The following FASTKD1 variants were observed in gnomAD, a reference collection of about 807,000 sequenced individuals.
FASTKD1 encodes FAST kinase domains 1, also known as FAST kinase domain-containing protein 1, mitochondrial.
A neutral mutation model predicts 90.9 loss-of-function variants in FASTKD1; 94 were observed. The ratio of observed to expected loss-of-function variants is 1.03; its 90% confidence interval spans 0.88 to 1.23. The LOEUF (loss-of-function observed/expected upper bound fraction) is 1.23, where lower values mean the gene tolerates loss of function less well. Among genes scored for constraint, FASTKD1 ranks in the 50% most tolerant of loss-of-function variants. FASTKD1 has a pLI of 0.00. For synonymous variants in FASTKD1, 319 were observed against 345.8 expected, an observed-to-expected ratio of 0.92 and a Z score of 0.86; for missense variants, 945 against 993.5, an observed-to-expected ratio of 0.95 and a Z score of 0.66.
chr2:169,547,330 G>GT (rs1203390202), intron 7 of FASTKD1, among the ~76,000 whole-genome samples: 1 of 152,150 alleles, frequency 6.6e-6, no homozygotes, highest in Non-Finnish European at 1.5e-5. Context: ...GTCTTCTTGG[G>GT]TTTTTATGAG....
chr2:169,563,089 G>T, intron 4 of FASTKD1, 136 bp downstream of exon 4: 1 of 730,266 alleles, frequency 1.4e-6, no homozygotes, highest in Non-Finnish European at 2.2e-6. Flanking sequence ...TCCCTCTTTT[G>T]CAGATGAGGA....
chr2:169,540,267 A>G, intron 9 of FASTKD1, 88 bp from the exon 10 acceptor site: 1 of 1,283,390 alleles, frequency 7.8e-7, no homozygotes, highest in Non-Finnish European at 1.0e-6. Context: ...CAGGTTTTTA[A>G]AAAAAAGATA....
intron 9 of FASTKD1, among the ~76,000 whole-genome samples, chr2:169,542,042 T>C (rs1684979045): frequency 6.6e-6 from 1 of 152,178 alleles, no homozygotes; most frequent in East Asian, 1.9e-4. Flanking sequence ...AGAGAGGCAG[T>C]CCCTGAATCC....
In FASTKD1 at chr2:169,560,631, A is replaced by T; in HGVS notation, c.727T>A (p.Tyr243Asn). Reference sequence around the variant, plus strand: ...CTTTCTAATAGTGGTTGATAACGATATCTAACATTTCGAAGAAACTTTGCT... The same window carrying T: ...CTTTCTAATAGTGGTTGATAACGATTTCTAACATTTCGAAGAAACTTTGCT... The part of the protein sequence containing the change: ...SIAKFLRNVR[Y>N]RYQPLLERCN... Residue 243 changes from tyrosine (Y) to asparagine (N), a missense_variant, in exon 5 of 15, where the codon TAT becomes AAT. By Grantham distance (143) the Tyr-to-Asn change is moderately radical (BLOSUM62 -2). Coordinates refer to ENST00000453153, the MANE Select transcript of FASTKD1 (RefSeq NM_024622.6). 1 of 1,613,026 alleles carries T rather than the reference A, an allele frequency of 6.2e-7. No homozygotes were observed. The highest frequency in any genetic ancestry group is 8.5e-7 in the Non-Finnish European group (1 of 1,179,684).
At chr2:169,560,908 C>T (rs1379697898) in intron 4 of FASTKD1, 123 bp from the exon 5 acceptor site, 8 of 759,008 alleles carry the variant, frequency 1.1e-5, no homozygotes, top group Non-Finnish European at 1.5e-5. Flanking sequence ...GTCTCAAACT[C>T]CTGGGCTTAA....
chr2:169,548,420 T>TAAAAAAAAA (rs35933613), intron 7 of FASTKD1, among the ~76,000 whole-genome samples: 1 of 142,880 alleles, frequency 7.0e-6, no homozygotes, highest in Admixed American at 7.0e-5. Context: ...CAATAATTGT[T>TAAAAAAAAA]AAAAAAAAAA....
At chr2:169,564,513 AT>A (rs1393632149) in intron 3 of FASTKD1, among the ~76,000 whole-genome samples, 1 of 152,196 alleles carries the variant, frequency 6.6e-6, no homozygotes, top group Non-Finnish European at 1.5e-5. Flanking sequence ...GCAACGCAAA[AT>A]AAACACATCA....
intron 7 of FASTKD1, among the ~76,000 whole-genome samples, chr2:169,553,961 T>C (rs1041413166): frequency 6.6e-6 from 1 of 150,846 alleles, no homozygotes; most frequent in African/African-American, 2.4e-5. Flanking sequence ...TCAAACTAGA[T>C]GGGCATGCTG....
rs58641456 is a variant in FASTKD1, at chr2:169,554,278, T to TAAA, written c.1214+843_1214+845dup. Among the ~76,000 whole-genome samples, 24 of 29,812 alleles carry TAAA rather than the reference T, an allele frequency of 8.1e-4. 2 individuals are homozygous for TAAA. Among genetic ancestry groups the TAAA allele is most frequent in the African/African-American group, 3.6e-3 (22 of 6,076 alleles). The allele number at this position is 29,812 out of a possible 152,430, so 19.6% of individuals were successfully genotyped here. ...AGGGGACAGAGTGAGACCCTGTCTC[T>TAAA]AAAAAAAAAAAAAAAAAAAAAAAAA... On this transcript the variant is annotated intron_variant, in intron 7 of 14. Coordinates refer to ENST00000453153, the MANE Select transcript of FASTKD1 (RefSeq NM_024622.6).
rs1331156801 is a variant in FASTKD1, at chr2:169,550,481, TTTC to T, written c.1215-3780_1215-3778del. On this transcript the variant is annotated intron_variant, in intron 7 of 14. Coordinates refer to ENST00000453153, the MANE Select transcript of FASTKD1 (RefSeq NM_024622.6). ...TATTTTCTTCTTTATATTTTTTTCC[TTTC>T]TTTTCTTTTTTAGAGATAGGGTCTC... 7.2e-5 allele frequency among the ~76,000 whole-genome samples: 11 copies of T among 152,274 alleles called. No homozygotes were observed. The South Asian group carries it at 2.1e-3, about 29-fold the overall frequency.
At chr2:169,539,425 C>T (rs1684871399) in intron 10 of FASTKD1, among the ~76,000 whole-genome samples, 1 of 151,548 alleles carries the variant, frequency 6.6e-6, no homozygotes, top group African/African-American at 2.4e-5. Flanking sequence ...GCCTGGGCAA[C>T]ATAGCAAAAC....
At chr2:169,540,772 T>C (rs1426415705) in intron 9 of FASTKD1, among the ~76,000 whole-genome samples, 1 of 152,204 alleles carries the variant, frequency 6.6e-6, no homozygotes, top group Non-Finnish European at 1.5e-5. Flanking sequence ...TAACCCAGAA[T>C]GTCCAGCTCT....
At chr2:169,560,314 T>C (rs1412965803) in intron 5 of FASTKD1, 73 bp downstream of exon 5, 3 of 1,229,304 alleles carry the variant, frequency 2.4e-6, no homozygotes, top group Non-Finnish European at 3.4e-6. Context: ...CTTCCAGAGC[T>C]GCAAGGAGAC....
intron 13 of FASTKD1, 39 bp from the exon 14 acceptor site, chr2:169,530,740 AT>A: frequency 9.4e-7 from 1 of 1,063,740 alleles, no homozygotes; most frequent in Non-Finnish European, 1.4e-6. Context: ...TAAAATCAGA[AT>A]AAGAAACTGA....
intron 7 of FASTKD1, among the ~76,000 whole-genome samples, chr2:169,547,034 CACTTGCAAAAG>C (rs1685237969): frequency 6.6e-6 from 1 of 152,176 alleles, no homozygotes. Context: ...CCCCAGACTC[CACTTGCAAAAG>C]TAGGCCTCCA....
chr2:169,555,127 A>C lies in FASTKD1; in HGVS notation c.1211T>G (p.Leu404Arg). 1 of 1,607,336 alleles carries C rather than the reference A, an allele frequency of 6.2e-7. No homozygotes were observed. ...EFFAKLRELL[L>R]SYLKNSFIPT... ...AAAATTTCTATTTTAATCTTACCTA[A>C]GCAGTAATTCTCTAAGTTTCGCAAA... is the stretch of plus-strand genomic sequence containing the variant. Residue 404 changes from leucine (L) to arginine (R), a missense_variant, in exon 7 of 15, where the codon CTT becomes CGT. By Grantham distance (102) the Leu-to-Arg change is moderately radical. Transcript: ENST00000453153.
intron 3 of FASTKD1, among the ~76,000 whole-genome samples, chr2:169,564,628 C>T (rs1299732184): frequency 6.6e-6 from 1 of 152,200 alleles, no homozygotes; most frequent in East Asian, 1.9e-4. Context: ...TTATTATTGA[C>T]TATAGTCACC....
intron 12 of FASTKD1, among the ~76,000 whole-genome samples, chr2:169,536,664 A>T (rs1186885950): frequency 6.6e-6 from 1 of 152,140 alleles, no homozygotes; most frequent in Non-Finnish European, 1.5e-5. Context: ...ATGTGGCAAT[A>T]TCTTTGAAAA....
rs1388394836 is a variant in FASTKD1, at chr2:169,529,584, A to C, written c.*241T>G. 6.6e-6 allele frequency among the ~76,000 whole-genome samples: 1 copy of C among 152,226 alleles called. No individual in the cohort carries two copies. The highest frequency in any genetic ancestry group is 6.5e-5 in the Admixed American group (1 of 15,282). ...CTTGAAAAGCCCCCAATGGCTTCTC[A>C]TCTCGCTCAGAGTAGCCAAGAGGTT... On this transcript the variant is annotated 3_prime_UTR_variant, in exon 15 of 15. Coordinates refer to ENST00000453153, the MANE Select transcript of FASTKD1 (RefSeq NM_024622.6).
Sources: gnomAD v4.1 joint callset for allele counts (sites outside exome capture counted in the v4.1 genomes callset) on GRCh38, gnomAD v4.1.1 for gene constraint, MANE v1.5 for transcripts, NCBI Gene and HGNC (gene_info 2026-07-23, HGNC 2026-07-21) for gene names.